The following CEP152 variants were observed in gnomAD, a reference collection of about 807,000 sequenced individuals.
The protein encoded by CEP152 is centrosomal protein 152.
A neutral mutation model predicts 188.9 loss-of-function variants in CEP152; 132 were observed. The ratio of observed to expected loss-of-function variants is 0.70; its 90% CI spans 0.61 to 0.81. CEP152 has a LOEUF of 0.81. Ranked by LOEUF, CEP152 falls within the 30% of genes least tolerant of loss-of-function variation. The pLI is 0.00. For missense variants in CEP152, 1,914 were observed against 1,969.8 expected (o/e 0.97, Z 0.54); for synonymous variants, 649 against 666.6 (o/e 0.97, Z 0.41).
chr15:48,798,143 A>G (rs1447334577), intron 2 of CEP152, 92 bp from the exon 3 acceptor site: 15 of 888,760 alleles, frequency 1.7e-5, no homozygotes, highest in Non-Finnish European at 2.4e-5. Context: ...TTTACTGTAG[A>G]GGTCAAAGAA....
At chr15:48,771,528 C>T (rs1430449015) in intron 13 of CEP152, among the ~76,000 whole-genome samples, 1 of 152,144 alleles carries the variant, frequency 6.6e-6, no homozygotes, top group Non-Finnish European at 1.5e-5. Context: ...TTTTAGAGCA[C>T]TATTGGTAAA....
chr15:48,788,326 CTTTTTTT>C (rs538514112), intron 9 of CEP152, among the ~76,000 whole-genome samples: 1 of 97,062 alleles, frequency 1.0e-5, no homozygotes. Flanking sequence ...TCACTGGCTT[CTTTTTTT>C]TTTTTTTTTT....
intron 26 of CEP152, among the ~76,000 whole-genome samples, chr15:48,740,265 CTT>C (rs1204462857): frequency 6.6e-6 from 1 of 152,148 alleles, no homozygotes; most frequent in Non-Finnish European, 1.5e-5. Context: ...TTTATCTAAT[CTT>C]TTATTTACCT....
chr15:48,756,279 A>G lies in CEP152; in HGVS notation c.2969T>C (p.Ile990Thr). The change falls in exon 20 of 27, where the codon ATT becomes ACT. Residue 990 changes from isoleucine to threonine, a missense_variant. By Grantham distance (89) the Ile-to-Thr change is moderately conservative. Coordinates refer to ENST00000380950, the MANE Select transcript of CEP152 (RefSeq NM_001194998.2). ...RQFLDDHRNKINEVLAAAKED... is the reference protein window; with the variant it reads ...RQFLDDHRNKTNEVLAAAKED... ...TTTAGCTGCCGCAAGCACCTCATTA[A>G]TTTTATTTCGGTGATCATCTAAAAA... The G allele has an allele frequency of 1.3e-6, 2 of 1,581,704 alleles. No homozygotes were observed. The highest frequency in any genetic ancestry group is 1.2e-5 in the South Asian group (1 of 85,120).
rs772417645 is a variant in CEP152, at chr15:48,738,970, C to A, written c.4412G>T (p.Gly1471Val). ...SPEFVPCEGE[G>V]GFGLHKKKDL... ...TTTCTTCTTGTGCAAACCAAAGCCTCCTTCACCTTCACAAGGAACAAACTC... is the reference window on the plus strand; with the variant it reads ...TTTCTTCTTGTGCAAACCAAAGCCTACTTCACCTTCACAAGGAACAAACTC... Residue 1471 changes from glycine to valine, a missense_variant, in exon 27 of 27, where the codon GGA becomes GTA. Coordinates refer to ENST00000380950, the MANE Select transcript of CEP152 (RefSeq NM_001194998.2). The A allele has an allele frequency of 1.4e-5, 23 of 1,613,918 alleles. No individual in the cohort carries two copies.
At chr15:48,760,586 G>C (rs1292311082) in intron 18 of CEP152, among the ~76,000 whole-genome samples, 7 of 152,086 alleles carry the variant, frequency 4.6e-5, no homozygotes, top group Admixed American at 3.9e-4. Flanking sequence ...GAAAGAGAAG[G>C]CCTCCTGGAG....
chr15:48,809,528 C>T (rs1430533172), intron 1 of CEP152, among the ~76,000 whole-genome samples: 1 of 152,144 alleles, frequency 6.6e-6, no homozygotes, highest in Non-Finnish European at 1.5e-5. Context: ...AGAAATAAAT[C>T]TTAAAGGACA....
chr15:48,775,703 A>C (rs1022302377), intron 12 of CEP152, among the ~76,000 whole-genome samples: 3 of 152,142 alleles, frequency 2.0e-5, no homozygotes, highest in Non-Finnish European at 4.4e-5. Context: ...AGAGACAGGA[A>C]GTAGATTAGT....
intron 24 of CEP152, among the ~76,000 whole-genome samples, chr15:48,743,868 A>C (rs925788198): frequency 6.6e-6 from 1 of 152,172 alleles, no homozygotes; most frequent in Non-Finnish European, 1.5e-5. Flanking sequence ...GTCTCAAAAA[A>C]AAAAAGTTTA....
chr15:48,753,490 TTGAC>T (rs1201256480), intron 20 of CEP152, among the ~76,000 whole-genome samples: 2 of 152,198 alleles, frequency 1.3e-5, no homozygotes, highest in African/African-American at 4.8e-5. Flanking sequence ...AACCACTTAA[TTGAC>T]TGTCAGAAAA....
rs749344269 is a variant in CEP152 at position 48,805,666 on chromosome 15, G to C, written c.-7-10C>G. 3.5e-5 allele frequency: 57 copies of C among 1,612,874 alleles called. No individual in the cohort carries two copies. The Middle Eastern group carries it at 6.6e-4, about 19-fold the overall frequency. ...TAATGACATGGTCCTCCTGTGGGAAGGGAAAGATGTTTGGTTTCTGGACAC... is the reference window on the plus strand; with the variant it reads ...TAATGACATGGTCCTCCTGTGGGAACGGAAAGATGTTTGGTTTCTGGACAC... On this transcript the variant is annotated splice_polypyrimidine_tract_variant and intron_variant, in intron 1 of 26. Transcript: ENST00000380950.
At position 48,762,620 on chromosome 15, in the gene CEP152, T is replaced by A; in HGVS notation, c.2333A>T (p.Asp778Val). The A allele has an allele frequency of 2.5e-6, 4 of 1,614,020 alleles. No individual in the cohort carries two copies. The highest frequency in any genetic ancestry group is 1.7e-4 in the Middle Eastern group (1 of 6,060). Reference sequence around the variant, plus strand: ...CTTTTTCATTGCCTTTATAGTTTGATCCAGCTTAGACTGCCACTCCTTTTC... The same window carrying A: ...CTTTTTCATTGCCTTTATAGTTTGAACCAGCTTAGACTGCCACTCCTTTTC... ...QLEKEWQSKL[D>V]QTIKAMKKKT... The change falls in exon 18 of 27, where the codon GAT becomes GTT. Residue 778 changes from aspartate (D) to valine (V), a missense_variant. Transcript: ENST00000380950.
chr15:48,760,632 C>T (rs73400356), intron 18 of CEP152, among the ~76,000 whole-genome samples: 5,667 of 152,048 alleles, frequency 0.037, 357 homozygotes, highest in East Asian at 0.15. Flanking sequence ...AATCACTACA[C>T]CCACCACCTT....
At chr15:48,804,112 T>TG (rs1381014514) in intron 2 of CEP152, among the ~76,000 whole-genome samples, 1 of 152,146 alleles carries the variant, frequency 6.6e-6, no homozygotes, top group East Asian at 1.9e-4. Context: ...GTGTGAGAAG[T>TG]GGGGACTGTG....
intron 1 of CEP152, among the ~76,000 whole-genome samples, chr15:48,806,352 C>T (rs965374843): frequency 6.6e-6 from 1 of 152,176 alleles, no homozygotes; most frequent in African/African-American, 2.4e-5. Context: ...GAAGCAGCAG[C>T]AGGAAATGGG....
At chr15:48,759,308 G>T (rs1894508161) in intron 19 of CEP152, among the ~76,000 whole-genome samples, 1 of 151,980 alleles carries the variant, frequency 6.6e-6, no homozygotes, top group Non-Finnish European at 1.5e-5. Context: ...CATTAACCTA[G>T]AATTTATTGT....
At chr15:48,764,025 G>A (rs896126605) in intron 17 of CEP152, among the ~76,000 whole-genome samples, 7 of 152,130 alleles carry the variant, frequency 4.6e-5, no homozygotes, top group Non-Finnish European at 8.8e-5. Context: ...GTCAAGAGGT[G>A]GCTAAATTCC....
At position 48,744,297 on chromosome 15, in the gene CEP152, C is replaced by A; in HGVS notation, c.3778G>T (p.Gly1260Trp). ...CCACGAAGTTCTTCCAAGGCTCCCCCACTGCATGGCAGGCAAGCATTTTCA... is the reference window on the plus strand; with the variant it reads ...CCACGAAGTTCTTCCAAGGCTCCCCAACTGCATGGCAGGCAAGCATTTTCA... ...AIENACLPCS[G>W]GALEELRGQY... The change falls in exon 24 of 27, where the codon GGG becomes TGG. Residue 1260 changes from glycine to tryptophan, a missense_variant. Coordinates refer to ENST00000380950, the MANE Select transcript of CEP152 (RefSeq NM_001194998.2). The A allele has an allele frequency of 6.2e-6, 10 of 1,613,994 alleles. No homozygotes were observed. The highest frequency in any genetic ancestry group is 8.5e-6 in the Non-Finnish European group (10 of 1,179,962).
rs185305250 is a variant in CEP152, at chr15:48,744,148, G to A, written c.3835+92C>T. Reference sequence around the variant, plus strand: ...AAAAGGTAATTTGGAAAATTCCCTAGAAGAACTACTGCTGGTAAACTCTGA... The same window carrying A: ...AAAAGGTAATTTGGAAAATTCCCTAAAAGAACTACTGCTGGTAAACTCTGA... On this transcript the variant is annotated intron_variant, in intron 24 of 26. Transcript: ENST00000380950. The A allele has an allele frequency of 4.8e-4, 744 of 1,550,610 alleles. 3 individuals carry two copies. In the African/African-American group the frequency reaches 9.3e-3, roughly 19 times the overall value.
Sources: allele counts gnomAD v4.1 joint callset (sites outside exome capture counted in the v4.1 genomes callset), GRCh38; gene constraint gnomAD v4.1.1; transcripts MANE v1.5; gene names NCBI Gene and HGNC (gene_info 2026-07-23, HGNC 2026-07-21).